SORBS2: variants seen among roughly 807,000 people sequenced by gnomAD.
The protein encoded by SORBS2 is sorbin and SH3 domain containing 2.
Under a neutral mutation model 97.7 loss-of-function variants are expected in SORBS2, and 46 were observed. The ratio of observed to expected loss-of-function variants is 0.47; its 90% CI spans 0.37 to 0.60. The LOEUF is 0.60. Ranked by LOEUF, SORBS2 falls within the 20% of genes least tolerant of loss-of-function variation. SORBS2 has a pLI of 0.00. For synonymous variants in SORBS2, 476 were observed against 473.4 expected (o/e 1.01, Z -0.07); for missense variants, 1,316 against 1,282.3 (o/e 1.03, Z -0.40).
At chr4:185,788,644 T>C (rs368175720) in intron 1 of SORBS2, among the ~76,000 whole-genome samples, 14 of 152,352 alleles carry the variant, frequency 9.2e-5, no homozygotes, top group African/African-American at 3.1e-4. Flanking sequence ...ATTTGGTGAA[T>C]TTTATAATTA....
intron 12 of SORBS2, among the ~76,000 whole-genome samples, chr4:185,599,908 C>T (rs1316465284): frequency 6.6e-6 from 1 of 152,142 alleles, no homozygotes; most frequent in Non-Finnish European, 1.5e-5. Context: ...GGGGAGGTGG[C>T]CAGGATGCCT....
At chr4:185,863,465 C>A (rs935838426) in intron 1 of SORBS2, among the ~76,000 whole-genome samples, 5 of 152,156 alleles carry the variant, frequency 3.3e-5, no homozygotes, top group African/African-American at 1.2e-4. Flanking sequence ...AATTCATAAA[C>A]AAAAGACCAC....
intron 1 of SORBS2, among the ~76,000 whole-genome samples, chr4:185,902,953 A>G (rs915089300): frequency 2.6e-5 from 4 of 152,182 alleles, no homozygotes; most frequent in Non-Finnish European, 5.9e-5. Flanking sequence ...TGCCACAGGC[A>G]TGCCTTCACA....
intron 1 of SORBS2, among the ~76,000 whole-genome samples, chr4:185,900,855 T>C (rs2099247350): frequency 6.6e-6 from 1 of 152,166 alleles, no homozygotes; most frequent in Non-Finnish European, 1.5e-5. Context: ...TCACTAAAAC[T>C]ACAGACTGCT....
intron 2 of SORBS2, among the ~76,000 whole-genome samples, chr4:185,734,835 G>A (rs1257107098): frequency 1.3e-5 from 2 of 152,218 alleles, no homozygotes; most frequent in Non-Finnish European, 2.9e-5. Context: ...CAGGGTGCAA[G>A]GAAGCCTCTT....
intron 2 of SORBS2, among the ~76,000 whole-genome samples, chr4:185,704,593 A>G (rs2098314002): frequency 6.6e-6 from 1 of 152,160 alleles, no homozygotes; most frequent in South Asian, 2.1e-4. Context: ...TGCTGGGATT[A>G]CAGGCGTGAG....
chr4:185,879,398 T>C (rs2099235722), intron 1 of SORBS2, among the ~76,000 whole-genome samples: 1 of 152,138 alleles, frequency 6.6e-6, no homozygotes, highest in Non-Finnish European at 1.5e-5. Context: ...ATGTGCCACA[T>C]TTTCTTAATC....
intron 1 of SORBS2, among the ~76,000 whole-genome samples, chr4:185,777,310 C>G (rs1240570382): frequency 3.3e-5 from 5 of 152,100 alleles, no homozygotes; most frequent in African/African-American, 1.2e-4. Flanking sequence ...GTCTTAAATA[C>G]CTGCCAATCT....
Position 185,809,674 on chromosome 4 carries a change from T to C in SORBS2, c.-337-34308A>G, listed in dbSNP as rs73873397. 8.8e-3 allele frequency among the ~76,000 whole-genome samples: 1,347 copies of C among 152,210 alleles called. 20 individuals are homozygous for C. Among genetic ancestry groups the C allele is most frequent in the African/African-American group, 0.031 (1,290 of 41,542 alleles). ...AACTATGGAGATGCGCTGTACAGAA[T>C]TGAACTTAAAATGGTCATCTGTGTA... On this transcript the variant is annotated intron_variant, in intron 1 of 20. Coordinates refer to the SORBS2 transcript ENST00000284776.
intron 3 of SORBS2, among the ~76,000 whole-genome samples, chr4:185,647,583 A>G (rs914500781): frequency 2.0e-5 from 3 of 152,002 alleles, no homozygotes; most frequent in African/African-American, 7.2e-5. Flanking sequence ...CTGACTGTAG[A>G]TAGGGGTAAT....
intron 1 of SORBS2, among the ~76,000 whole-genome samples, chr4:185,879,377 C>T (rs763575513): frequency 0.02 from 3,116 of 152,124 alleles, 33 homozygotes; most frequent in Non-Finnish European, 0.032. Context: ...GCATAGTATT[C>T]CATGGTGTAT....
chr4:185,687,264 G>A (rs895613953), intron 2 of SORBS2, among the ~76,000 whole-genome samples: 3 of 152,154 alleles, frequency 2.0e-5, no homozygotes, highest in African/African-American at 7.2e-5. Flanking sequence ...CTGGGGTCAA[G>A]CGATCCTCCT....
At chr4:185,755,375 G>C (rs1395064099) in intron 2 of SORBS2, among the ~76,000 whole-genome samples, 2 of 152,230 alleles carry the variant, frequency 1.3e-5, no homozygotes, top group African/African-American at 2.4e-5. Flanking sequence ...TGTGACCATA[G>C]ACTCCACTAT....
intron 4 of SORBS2, among the ~76,000 whole-genome samples, chr4:185,640,252 C>G (rs1430523598): frequency 6.6e-6 from 1 of 152,126 alleles, no homozygotes; most frequent in Non-Finnish European, 1.5e-5. Flanking sequence ...ACCAAGCAGT[C>G]AAAACGGAAT....
chr4:185,720,729 A>G (rs1201125617), intron 2 of SORBS2, among the ~76,000 whole-genome samples: 2 of 152,164 alleles, frequency 1.3e-5, no homozygotes, highest in Non-Finnish European at 2.9e-5. Flanking sequence ...GGATGCATTT[A>G]CTGAATTTTT....
At chr4:185,908,296 T>TATATATATATGTATACACACAA in intron 1 of SORBS2, among the ~76,000 whole-genome samples, 1 of 81,292 alleles carries the variant, frequency 1.2e-5, no homozygotes, top group Non-Finnish European at 2.6e-5. Context: ...TATATATATA[T>TATATATATATGTATACACACAA]ATATATATAT....
At chr4:185,676,868 T>C (rs992938596) in intron 4 of SORBS2, 1 of 726,248 alleles carries the variant, frequency 1.4e-6, no homozygotes, top group African/African-American at 1.8e-5. Flanking sequence ...GAAAATGGTT[T>C]CTTTCTCCTT....
chr4:185,945,513 T>A (rs1298818329), intron 1 of SORBS2, among the ~76,000 whole-genome samples: 1 of 152,216 alleles, frequency 6.6e-6, no homozygotes, highest in Non-Finnish European at 1.5e-5. Context: ...CATTGCACAA[T>A]TTTGGTAAAC....
At chr4:185,740,540 C>G (rs1026839636) in intron 2 of SORBS2, among the ~76,000 whole-genome samples, 5 of 152,214 alleles carry the variant, frequency 3.3e-5, no homozygotes, top group African/African-American at 9.7e-5. Context: ...GTCATCCAAT[C>G]TGCGCTGCAG....
Sources: allele counts gnomAD v4.1 joint callset (sites outside exome capture counted in the v4.1 genomes callset), GRCh38; gene constraint gnomAD v4.1.1; transcripts MANE v1.5; gene names NCBI Gene and HGNC (gene_info 2026-07-23, HGNC 2026-07-21).